Variants in SPATA6L observed in about 807,000 individuals in gnomAD.
SPATA6L encodes spermatogenesis associated 6-like protein.
Under a neutral mutation model 49.2 loss-of-function variants are expected in SPATA6L, and 68 were observed. The observed-to-expected ratio is 1.38, with a 90% CI of 1.14 to 1.69. The LOEUF (loss-of-function observed/expected upper bound fraction) is 1.69. SPATA6L is among the 40% of genes most tolerant of loss of function. The pLI is 0.00. For synonymous variants in SPATA6L, 198 were observed against 165.7 expected (o/e 1.19, Z -1.50); for missense variants, 668 against 464.3 (o/e 1.44, Z -4.03).
At chr9:4,629,547 T>C (rs1046194897) in intron 4 of SPATA6L, among the ~76,000 whole-genome samples, 1 of 151,910 alleles carries the variant, frequency 6.6e-6, no homozygotes, top group Non-Finnish European at 1.5e-5. Context: ...TAAAACACTG[T>C]ACCATGGAAT....
chr9:4,604,012 G>A (rs1016673070), intron 11 of SPATA6L, among the ~76,000 whole-genome samples, 167 bp downstream of exon 11: 2 of 152,178 alleles, frequency 1.3e-5, no homozygotes, highest in African/African-American at 2.4e-5. Context: ...CACGTGCACT[G>A]CAGTTATCAT....
downstream of SPATA6L, among the ~76,000 whole-genome samples, chr9:4,597,789 C>G (rs1354850342): frequency 6.6e-6 from 1 of 152,102 alleles, no homozygotes; most frequent in Non-Finnish European, 1.5e-5. Flanking sequence ...GTCCCCTAAC[C>G]AGAGAAAGAC....
intron 3 of SPATA6L, among the ~76,000 whole-genome samples, chr9:4,644,677 TCTCTCTCTCACACA>T (rs1834911132): frequency 7.5e-6 from 1 of 132,800 alleles, no homozygotes; most frequent in African/African-American, 3.4e-5. Context: ...TCTCTCTCTC[TCTCTCTCTCACACA>T]CACACACACA....
chr9:4,655,684 G>A (rs1837980915), intron 3 of SPATA6L, among the ~76,000 whole-genome samples: 1 of 152,040 alleles, frequency 6.6e-6, no homozygotes, highest in Admixed American at 6.6e-5. Context: ...AGGTAGCTGG[G>A]ACTACAGGCA....
intron 2 of SPATA6L, among the ~76,000 whole-genome samples, chr9:4,659,661 A>C (rs1839150195): frequency 6.6e-6 from 1 of 152,236 alleles, no homozygotes; most frequent in Non-Finnish European, 1.5e-5. Context: ...CTTTCTTCAC[A>C]GAATTGGAAA....
chr9:4,603,347 T>C (rs892490078), intron 11 of SPATA6L, among the ~76,000 whole-genome samples: 3 of 152,124 alleles, frequency 2.0e-5, no homozygotes, highest in Non-Finnish European at 2.9e-5. Context: ...GGAGAATCAC[T>C]TGAACCTGGG....
chr9:4,598,110 G>A (rs1418946743), downstream of SPATA6L, among the ~76,000 whole-genome samples: 1 of 151,982 alleles, frequency 6.6e-6, no homozygotes, highest in Admixed American at 6.6e-5. Context: ...CTAACTTTGG[G>A]TCAGTCAGGT....
intron 5 of SPATA6L, chr9:4,628,131 G>C: frequency 4.5e-6 from 1 of 219,956 alleles, no homozygotes; most frequent in Admixed American, 5.5e-5. Context: ...AGGGGGAGTG[G>C]GGATGGTTAA....
intron 3 of SPATA6L, among the ~76,000 whole-genome samples, chr9:4,636,778 G>A (rs1444189185): frequency 2.0e-5 from 3 of 152,256 alleles, no homozygotes; most frequent in Admixed American, 6.5e-5. Context: ...AAGAATCAAA[G>A]TGCAAAAAGA....
chr9:4,655,414 G>A (rs1035828229), intron 3 of SPATA6L, among the ~76,000 whole-genome samples: 1 of 152,164 alleles, frequency 6.6e-6, no homozygotes, highest in Non-Finnish European at 1.5e-5. Flanking sequence ...GATTGCTAAT[G>A]GGCATAGGGC....
intron 10 of SPATA6L, 47 bp downstream of exon 10, chr9:4,605,300 A>C: frequency 7.0e-7 from 1 of 1,438,318 alleles, no homozygotes. Flanking sequence ...GTCCCTGTTC[A>C]CATATTATTT....
At position 4,605,355 on chromosome 9, in the gene SPATA6L, G is replaced by C. The variant is rs773115911; in HGVS notation, c.1081C>G (p.Gln361Glu). The change falls in exon 10 of 12, where the codon CAA becomes GAA. Residue 361 changes from glutamine (Q) to glutamate (E), a missense_variant. Transcript: ENST00000682582. ...TTATAAGAAAGTCTAACCTTGTTTTGGTGCAGCTGTGCTCTGTGGGATGTC... is the reference window on the plus strand; with the variant it reads ...TTATAAGAAAGTCTAACCTTGTTTTCGTGCAGCTGTGCTCTGTGGGATGTC... ...LLTSHRAQLH[Q>E]NKEDSTSEVN... 16 of 1,613,120 alleles carry C rather than the reference G, an allele frequency of 9.9e-6. No homozygotes were observed. The highest frequency in any genetic ancestry group is 3.3e-5 in the Admixed American group (2 of 60,012).
At chr9:4,643,839 TACAAAAAATAC>T (rs1834613612) in intron 3 of SPATA6L, among the ~76,000 whole-genome samples, 1 of 152,006 alleles carries the variant, frequency 6.6e-6, no homozygotes, top group South Asian at 2.1e-4. Context: ...ACCCTGACTC[TACAAAAAATAC>T]ACAAAAATTA....
rs145841268 is a variant in SPATA6L, at chr9:4,612,953, C to T, written c.995+4970G>A. On this transcript the variant is annotated intron_variant, in intron 9 of 11. Transcript: ENST00000682582. ...AGAATTATAGCCACTTGGGGCCAGGCGCAGTGGCTCACACCTATAATCCCA... is the reference window on the plus strand; with the variant it reads ...AGAATTATAGCCACTTGGGGCCAGGTGCAGTGGCTCACACCTATAATCCCA... Among the ~76,000 whole-genome samples, 241 of 152,158 alleles carry T rather than the reference C, an allele frequency of 1.6e-3. 1 individual carries two copies. The highest frequency in any genetic ancestry group is 5.2e-3 in the Admixed American group (80 of 15,290).
intron 3 of SPATA6L, among the ~76,000 whole-genome samples, chr9:4,652,651 G>C (rs1837183010): frequency 6.6e-6 from 1 of 151,590 alleles, no homozygotes; most frequent in Non-Finnish European, 1.5e-5. Context: ...AGACCAGTCT[G>C]ACCAACATGC....
chr9:4,631,133 A>G (rs1831448310), intron 4 of SPATA6L, among the ~76,000 whole-genome samples: 1 of 152,216 alleles, frequency 6.6e-6, no homozygotes, highest in South Asian at 2.1e-4. Context: ...TACAGACAAT[A>G]AAGAAGAATG....
At chr9:4,601,651 G>C (rs1823316531) in intron 11 of SPATA6L, among the ~76,000 whole-genome samples, 1 of 152,204 alleles carries the variant, frequency 6.6e-6, no homozygotes, top group African/African-American at 2.4e-5. Context: ...TGGGGAGCCA[G>C]GACCTGGCAG....
In SPATA6L at chr9:4,605,861, G is replaced by T. The variant is rs574067960; in HGVS notation, c.996-421C>A. Among the ~76,000 whole-genome samples the T allele has an allele frequency of 6.6e-5, 10 of 152,340 alleles. No individual in the cohort carries two copies. The East Asian group carries it at 1.5e-3, about 24-fold the overall frequency. On this transcript the variant is annotated intron_variant, in intron 9 of 11. Coordinates refer to ENST00000682582, the MANE Select transcript of SPATA6L (RefSeq NM_001353486.2). ...GTCTCCAGCTCCCAGCGTGAGCGAC[G>T]CAGAGGACGGGTGATTTCTGCATTT...
At chr9:4,590,598 A>T (rs1365828843) in intron 13 of SPATA6L, among the ~76,000 whole-genome samples, 1 of 152,174 alleles carries the variant, frequency 6.6e-6, no homozygotes, top group African/African-American at 2.4e-5. Context: ...GGTTGGAGAA[A>T]ATGAGAAAGG....
Sources: gnomAD v4.1 joint callset for allele counts (sites outside exome capture counted in the v4.1 genomes callset) on GRCh38, gnomAD v4.1.1 for gene constraint, MANE v1.5 for transcripts, NCBI Gene and HGNC (gene_info 2026-07-23, HGNC 2026-07-21) for gene names.